MTCL2: variants seen among roughly 807,000 people sequenced by gnomAD.
MTCL2 encodes the protein microtubule cross-linking factor 2.
chr20:36,795,466 T>C, the MTCL2 span, among the ~76,000 whole-genome samples: 1 of 152,072 alleles, frequency 6.6e-6, no homozygotes, highest in African/African-American at 2.4e-5. Flanking sequence ...ATCTGATGGT[T>C]TTTTTTTCTG....
At chr20:36,815,378 C>A in the MTCL2 span, 1 of 1,613,558 alleles carries the variant, frequency 6.2e-7, no homozygotes, top group Non-Finnish European at 8.5e-7. This position sits in a 1 kb window ranked among gnomAD's most constrained non-coding sequence, Gnocchi z 5.3. Context: ...AGTCAGCACA[C>A]TCGTTGTCCA....
At chr20:36,791,451 G>C in the MTCL2 span, among the ~76,000 whole-genome samples, 1 of 152,102 alleles carries the variant, frequency 6.6e-6, no homozygotes, top group Admixed American at 6.6e-5. Context: ...TTTGCAGTAG[G>C]GACAAACTAG....
chr20:36,810,868 C>T, the MTCL2 span, among the ~76,000 whole-genome samples: 37 of 152,132 alleles, frequency 2.4e-4, no homozygotes, highest in African/African-American at 8.4e-4. Context: ...TACAGGCACC[C>T]GCCACCACGC....
At chr20:36,855,845 T>C in the MTCL2 span, among the ~76,000 whole-genome samples, 8 of 151,754 alleles carry the variant, frequency 5.3e-5, no homozygotes, top group African/African-American at 1.9e-4. Context: ...ACGGAGGAGG[T>C]GACACAGTGA....
chr20:36,783,564 A>G, the MTCL2 span: 2 of 168,600 alleles, frequency 1.2e-5, no homozygotes, highest in African/African-American at 4.8e-5. Context: ...GAGATGGGGA[A>G]AACAGAAAGA....
At chr20:36,844,418 T>C in the MTCL2 span, among the ~76,000 whole-genome samples, 6 of 150,360 alleles carry the variant, frequency 4.0e-5, no homozygotes, top group African/African-American at 1.2e-4. Context: ...ATAATAATAA[T>C]AATAACAACA....
chr20:36,851,578 C>T, the MTCL2 span, among the ~76,000 whole-genome samples: 1 of 152,242 alleles, frequency 6.6e-6, no homozygotes, highest in Non-Finnish European at 1.5e-5. Context: ...CTCTGCCCTG[C>T]TGGCTTGCCT....
At chr20:36,803,177 C>T in the MTCL2 span, 81 of 1,507,406 alleles carry the variant, frequency 5.4e-5, no homozygotes, top group South Asian at 9.6e-4. Context: ...CTCTCCTTCC[C>T]TCCTGGGTGC....
At chr20:36,833,476 C>A in the MTCL2 span, among the ~76,000 whole-genome samples, 3 of 152,278 alleles carry the variant, frequency 2.0e-5, no homozygotes, top group Non-Finnish European at 4.4e-5. Flanking sequence ...CCAGCCCCTG[C>A]TCCCCAGGCA....
At chr20:36,838,826 G>A in the MTCL2 span, among the ~76,000 whole-genome samples, 1 of 152,060 alleles carries the variant, frequency 6.6e-6, no homozygotes, top group Non-Finnish European at 1.5e-5. Context: ...AAATTAGCCG[G>A]GTGTGGTGGC....
At chr20:36,857,335 GA>G in the MTCL2 span, among the ~76,000 whole-genome samples, 1 of 151,930 alleles carries the variant, frequency 6.6e-6, no homozygotes, top group Non-Finnish European at 1.5e-5. Context: ...TCTGTTTGGT[GA>G]TGTGTGCGTG....
the MTCL2 span, among the ~76,000 whole-genome samples, chr20:36,856,981 T>C: frequency 2.0e-5 from 3 of 152,200 alleles, no homozygotes; most frequent in Non-Finnish European, 2.9e-5. Context: ...CTGATGTGCA[T>C]GTGGGAGTCC....
chr20:36,786,698 T>C, the MTCL2 span: 11 of 1,446,296 alleles, frequency 7.6e-6, no homozygotes, highest in Non-Finnish European at 9.3e-6. Flanking sequence ...TGGACCACCA[T>C]GAGCTGTGTG....
chr20:36,849,123 G>A, the MTCL2 span, among the ~76,000 whole-genome samples: 1 of 135,890 alleles, frequency 7.4e-6, no homozygotes, highest in African/African-American at 2.8e-5. Context: ...GTGCAATGGT[G>A]CAATCTCAGC....
the MTCL2 span, among the ~76,000 whole-genome samples, chr20:36,857,113 T>A: frequency 1.3e-5 from 2 of 152,128 alleles, no homozygotes; most frequent in Non-Finnish European, 2.9e-5. Context: ...CAAGGGTAGA[T>A]GTGCAGACTT....
chr20:36,832,316 C>T, the MTCL2 span, among the ~76,000 whole-genome samples: 1 of 152,222 alleles, frequency 6.6e-6, no homozygotes, highest in Non-Finnish European at 1.5e-5. Context: ...TCCTCTCCAC[C>T]TGCGGGGATG....
the MTCL2 span, chr20:36,863,327 G>A: frequency 1.3e-4 from 155 of 1,177,006 alleles, no homozygotes; most frequent in Non-Finnish European, 1.5e-4. The surrounding 1 kb of genome is among the most constrained non-coding windows in gnomAD (Gnocchi z 6.2). Context: ...CCGGGGGCTC[G>A]GCCGCCGGCG....
the MTCL2 span, chr20:36,863,093 C>A: frequency 8.6e-6 from 12 of 1,400,204 alleles, no homozygotes; most frequent in African/African-American, 1.5e-5. The surrounding 1 kb of genome is among the most constrained non-coding windows in gnomAD (Gnocchi z 6.2). Context: ...CCCGCACACC[C>A]GCACCGCGCG....
the MTCL2 span, among the ~76,000 whole-genome samples, chr20:36,809,097 G>T: frequency 3.9e-5 from 6 of 152,322 alleles, no homozygotes; most frequent in Non-Finnish European, 7.3e-5. Context: ...GGAGAGCAAA[G>T]GGCGTGCCAG....
Sources: allele counts gnomAD v4.1 joint callset (sites outside exome capture counted in the v4.1 genomes callset), GRCh38; gene constraint gnomAD v4.1.1; non-coding constraint Gnocchi (gnomAD v3.1); transcripts MANE v1.5; gene names NCBI Gene and HGNC (gene_info 2026-07-23, HGNC 2026-07-21).